The following GABRB2 variants were observed in gnomAD, a reference collection of about 807,000 sequenced individuals.
GABRB2 encodes the protein gamma-aminobutyric acid receptor subunit beta-2.
GABRB2 carries 16 observed loss-of-function variants against 54.7 expected under a neutral mutation model. That is an observed-to-expected ratio of 0.29 (90% CI 0.20 to 0.44). GABRB2 has a LOEUF of 0.44. GABRB2 is among the 20% of genes least tolerant of loss of function. GABRB2 has a pLI of 1.00. For synonymous variants in GABRB2, 244 were observed against 233.8 expected (o/e 1.04, Z -0.40); for missense variants, 355 against 644.0 (o/e 0.55, Z 4.86).
intron 5 of GABRB2, among the ~76,000 whole-genome samples, chr5:161,355,348 GATATA>G (rs926211664): frequency 1.6e-4 from 23 of 148,030 alleles, no homozygotes; most frequent in Admixed American, 8.2e-4. Context: ...TGGTATATAT[GATATA>G]ATATATACAT....
At chr5:161,465,965 C>CT (rs958123662) in intron 3 of GABRB2, among the ~76,000 whole-genome samples, 92 of 152,094 alleles carry the variant, frequency 6.0e-4, no homozygotes, top group African/African-American at 2.1e-3. Context: ...CAATAATGCC[C>CT]TTTTTCTGTT....
At chr5:161,314,863 G>C (rs1276445495) in intron 9 of GABRB2, among the ~76,000 whole-genome samples, 1 of 152,066 alleles carries the variant, frequency 6.6e-6, no homozygotes, top group Non-Finnish European at 1.5e-5. Context: ...TGATAAAAAA[G>C]GAAAGAACGA....
rs1757306277 is a variant in GABRB2, at chr5:161,294,026, TG to T, written c.*54del. On this transcript the variant is annotated 3_prime_UTR_variant, in exon 10 of 10. Transcript: ENST00000393959. ...GTGTTTTCCAAGTCCTACATCAGGCTGTACAACTGGTTTGAGGAGGAATCTA... is the reference window on the plus strand; with the variant it reads ...GTGTTTTCCAAGTCCTACATCAGGCTTACAACTGGTTTGAGGAGGAATCTA... 2 of 1,337,832 alleles carry T rather than the reference TG, an allele frequency of 1.5e-6. No homozygotes were observed. Among genetic ancestry groups the T allele is most frequent in the Non-Finnish European group, 2.1e-6 (2 of 946,518 alleles). 82.9% of individuals were successfully genotyped at this position (1,337,832 alleles called of 1,614,324 possible).
chr5:161,389,161 T>C (rs1383849109), intron 5 of GABRB2, among the ~76,000 whole-genome samples: 3 of 152,010 alleles, frequency 2.0e-5, no homozygotes, highest in Admixed American at 6.6e-5. Context: ...AACTTTCTTA[T>C]AGCAACAGAG....
At chr5:161,366,655 T>A (rs1754982040) in intron 5 of GABRB2, among the ~76,000 whole-genome samples, 1 of 152,098 alleles carries the variant, frequency 6.6e-6, no homozygotes, top group South Asian at 2.1e-4. Context: ...AATAGAAAAG[T>A]AAGAACAAGG....
intron 9 of GABRB2, among the ~76,000 whole-genome samples, chr5:161,304,957 C>T (rs1757641127): frequency 1.3e-5 from 2 of 150,380 alleles, no homozygotes; most frequent in Admixed American, 1.3e-4. Context: ...TTGAAAACAC[C>T]TGAAGAAGGA....
At position 161,537,475 on chromosome 5, in the gene GABRB2, C is replaced by A. The variant is rs184679142; in HGVS notation, c.237+7752G>T. The stretch of plus-strand genomic sequence containing the variant: ...ATGCCTCATCCCCTTGACCTCCACT[C>A]CCCTTCCTGTCTTCCCTACATCAGT... On this transcript the variant is annotated intron_variant, in intron 3 of 9. Coordinates refer to ENST00000393959, the MANE Select transcript of GABRB2 (RefSeq NM_001371727.1). Among the ~76,000 whole-genome samples, 78 of 152,294 alleles carry A rather than the reference C, an allele frequency of 5.1e-4. 1 individual carries two copies. In the East Asian group the frequency reaches 0.015, roughly 29 times the overall value.
chr5:161,355,691 A>G (rs1466400905), intron 5 of GABRB2, among the ~76,000 whole-genome samples: 1 of 152,096 alleles, frequency 6.6e-6, no homozygotes, highest in Admixed American at 6.6e-5. Flanking sequence ...TTAAAAATCT[A>G]TCAGATTAGT....
chr5:161,478,793 T>C (rs1428100618), intron 3 of GABRB2, among the ~76,000 whole-genome samples: 1 of 152,044 alleles, frequency 6.6e-6, no homozygotes, highest in Non-Finnish European at 1.5e-5. Flanking sequence ...CTATTTTATT[T>C]TTTCCTTCAA....
chr5:161,291,848 A>G lies in GABRB2; in HGVS notation c.*2233T>C, dbSNP rs1033528553. 4.2e-4 allele frequency: 64 copies of G among 152,452 alleles called. No individual in the cohort carries two copies. The highest frequency in any genetic ancestry group is 1.5e-3 in the African/African-American group (64 of 41,398). 9.4% of individuals were successfully genotyped at this position (152,452 alleles called of 1,614,324 possible). A position where few individuals can be genotyped will look rare whatever the true frequency, so the allele number is the denominator to read the frequency against. ...ATGGCATTTTGGAGTTGTGCCCCTG[A>G]GTTATCAATATGTTCCTTCCTGATG... On this transcript the variant is annotated 3_prime_UTR_variant, in exon 10 of 10. Coordinates refer to ENST00000393959, the MANE Select transcript of GABRB2 (RefSeq NM_001371727.1).
chr5:161,342,231 C>A (rs953390179), intron 5 of GABRB2, among the ~76,000 whole-genome samples: 1 of 151,724 alleles, frequency 6.6e-6, no homozygotes, highest in African/African-American at 2.4e-5. Context: ...CATCTCAAAA[C>A]GTGCATAAAT....
intron 4 of GABRB2, 106 bp from the exon 5 acceptor site, chr5:161,411,163 A>G: frequency 1.3e-6 from 1 of 785,016 alleles, no homozygotes; most frequent in Non-Finnish European, 2.1e-6. Context: ...CCTAAGTACT[A>G]ATGAAAATGA....
intron 5 of GABRB2, among the ~76,000 whole-genome samples, chr5:161,339,887 T>C (rs1754105072): frequency 6.6e-6 from 1 of 151,844 alleles, no homozygotes; most frequent in Non-Finnish European, 1.5e-5. Context: ...AAAGAAAGCA[T>C]TTTTTTCCCA....
At chr5:161,443,490 ATATTCAACCTAAAACC>A (rs1214922343) in intron 4 of GABRB2, among the ~76,000 whole-genome samples, 1 of 152,180 alleles carries the variant, frequency 6.6e-6, no homozygotes, top group African/African-American at 2.4e-5. Context: ...AATAAAATAA[ATATTCAACCTAAAACC>A]TATTTAGTGA....
intron 3 of GABRB2, among the ~76,000 whole-genome samples, chr5:161,475,124 T>C (rs1758557188): frequency 6.6e-6 from 1 of 151,980 alleles, no homozygotes; most frequent in African/African-American, 2.4e-5. Context: ...CCTGATGGTT[T>C]TAGAGAGAAA....
rs950059526 is a variant in GABRB2, at chr5:161,453,986, C to T, written c.458+5638G>A. The stretch of plus-strand genomic sequence containing the variant: ...CCGGGAGGCAGAGGTTGCAGTGAGC[C>T]GAGATTGCACTACTGCACTCCAGCC... On this transcript the variant is annotated intron_variant, in intron 4 of 9. Transcript: ENST00000393959. 2.3e-4 allele frequency among the ~76,000 whole-genome samples: 34 copies of T among 148,166 alleles called. 1 individual carries two copies. Among genetic ancestry groups the T allele is most frequent in the African/African-American group, 8.2e-4 (33 of 40,026 alleles).
chr5:161,447,716 C>T (rs1032493236), intron 4 of GABRB2, among the ~76,000 whole-genome samples: 30 of 152,222 alleles, frequency 2.0e-4, no homozygotes, highest in African/African-American at 6.3e-4. Context: ...GAAATCTTCC[C>T]TGAACATTCA....
At chr5:161,459,463 C>G in intron 4 of GABRB2, 161 bp downstream of exon 4, 1 of 643,550 alleles carries the variant, frequency 1.6e-6, no homozygotes. Flanking sequence ...CCTTTGTAAG[C>G]ATGCTACCTT....
chr5:161,317,266 G>A (rs1199716363), intron 9 of GABRB2, among the ~76,000 whole-genome samples: 1 of 152,130 alleles, frequency 6.6e-6, no homozygotes, highest in Admixed American at 6.6e-5. Context: ...ATTATTAAAT[G>A]TATGCATGTA....
Sources: gnomAD v4.1 joint callset for allele counts (sites outside exome capture counted in the v4.1 genomes callset) on GRCh38, gnomAD v4.1.1 for gene constraint, MANE v1.5 for transcripts, NCBI Gene and HGNC (gene_info 2026-07-23, HGNC 2026-07-21) for gene names.